Variants in CCNF observed in about 807,000 individuals in gnomAD.
CCNF encodes the protein cyclin F, also known as cyclin-F.
CCNF carries 30 observed loss-of-function variants against 85.4 expected under a neutral mutation model. The observed-to-expected ratio is 0.35, with a 90% CI of 0.26 to 0.48. The LOEUF (loss-of-function observed/expected upper bound fraction) is 0.48. Among genes scored for constraint, CCNF ranks in the 20% least tolerant of loss-of-function variants. The pLI, the probability that CCNF is intolerant of heterozygous loss-of-function variation, is 0.99. For synonymous variants in CCNF, 439 were observed against 425.1 expected (o/e 1.03, Z -0.40); for missense variants, 919 against 1,010.4 (o/e 0.91, Z 1.23).
rs140770913 is a variant in CCNF at position 2,446,923 on chromosome 16, C to A, written c.1094+1301C>A. Among the ~76,000 whole-genome samples, 6 of 152,172 alleles carry A rather than the reference C, an allele frequency of 3.9e-5. No homozygotes were observed. The East Asian group carries it at 1.2e-3, about 29-fold the overall frequency. ...AACTGGGAGGTGTAGTCTCTTCGGGCCTGTGTGTGCCAGCTCGATGCAGTG... is the reference window on the plus strand; with the variant it reads ...AACTGGGAGGTGTAGTCTCTTCGGGACTGTGTGTGCCAGCTCGATGCAGTG... On this transcript the variant is annotated intron_variant, in intron 10 of 16. Coordinates refer to ENST00000397066, the MANE Select transcript of CCNF (RefSeq NM_001761.3).
chr16:2,449,336 C>T lies in CCNF; in HGVS notation c.1273C>T (p.Leu425=). Residue 425 remains leucine (L), a synonymous_variant, in exon 12 of 17, where the codon CTG becomes TTG. Coordinates refer to ENST00000397066, the MANE Select transcript of CCNF (RefSeq NM_001761.3). ...CCTGCTGACGCTAGTCCCTGTGGAGCTGAGAACCCAGCACCTGTGCAGCTT... is the reference window on the plus strand; with the variant it reads ...CCTGCTGACGCTAGTCCCTGTGGAGTTGAGAACCCAGCACCTGTGCAGCTT... ...EVLLTLVPVE[L]RTQHLCSFLC... is the part of the protein sequence containing the mutation. The T allele has an allele frequency of 1.9e-6, 3 of 1,613,872 alleles. No individual in the cohort carries two copies. Among genetic ancestry groups the T allele is most frequent in the Non-Finnish European group, 2.5e-6 (3 of 1,179,976 alleles).
At chr16:2,437,996 G>T in intron 5 of CCNF, 74 bp from the exon 6 acceptor site, 2 of 1,010,222 alleles carry the variant, frequency 2.0e-6, no homozygotes, top group South Asian at 1.3e-5. Context: ...GGGACCCAAA[G>T]ACAGACAAGG....
intron 9 of CCNF, among the ~76,000 whole-genome samples, chr16:2,444,154 C>T (rs541602960): frequency 6.2e-4 from 94 of 152,006 alleles, no homozygotes; most frequent in African/African-American, 2.0e-3. Context: ...CTCCTGACCT[C>T]GTGATCCGCC....
chr16:2,439,517 T>C, intron 7 of CCNF, 60 bp downstream of exon 7: 4 of 1,279,874 alleles, frequency 3.1e-6, no homozygotes, highest in East Asian at 2.4e-5. Flanking sequence ...TAGTTGATGC[T>C]GGTCCTTGGA....
chr16:2,432,906 TG>T, intron 2 of CCNF, 54 bp from the exon 3 acceptor site: 1 of 1,080,104 alleles, frequency 9.3e-7, no homozygotes, highest in Non-Finnish European at 1.4e-6. Flanking sequence ...CCTCCAGGTG[TG>T]GGGCTTTTGG....
At chr16:2,450,669 G>A (rs929171824) in intron 13 of CCNF, among the ~76,000 whole-genome samples, 21 of 152,200 alleles carry the variant, frequency 1.4e-4, no homozygotes, top group Admixed American at 3.3e-4. Context: ...TTGTCAAGTT[G>A]TCATCTAGCT....
chr16:2,457,737 A>C lies in CCNF; in HGVS notation c.*717A>C, dbSNP rs897011949. 6.6e-6 allele frequency: 1 copy of C among 152,164 alleles called. No individual in the cohort carries two copies. 9.4% of individuals were successfully genotyped at this position (152,164 alleles called of 1,614,324 possible). ...CCATTCTTTTCCTGTCTTATTTCTAAATTTCCTTCTTCCAAGATGAAAACA... is the reference window on the plus strand; with the variant it reads ...CCATTCTTTTCCTGTCTTATTTCTACATTTCCTTCTTCCAAGATGAAAACA... On this transcript the variant is annotated 3_prime_UTR_variant, in exon 17 of 17. Coordinates refer to ENST00000397066, the MANE Select transcript of CCNF (RefSeq NM_001761.3).
Position 2,455,523 on chromosome 16 carries a change from A to G in CCNF, c.1844A>G (p.Tyr615Cys). Residue 615 changes from tyrosine (Y) to cysteine (C), a missense_variant, in exon 16 of 17, where the codon TAT becomes TGT. This residue lies in a region of CCNF where 505 missense variants were observed against 514.8 expected (regional missense o/e 0.98). Coordinates refer to ENST00000397066, the MANE Select transcript of CCNF (RefSeq NM_001761.3). ...TGGAGCCTGGACTGCTGCTCTGGCT[A>G]TGAAGGCGACCAGGAGAGTGAGGGC... ...LDWSLDCCSG[Y>C]EGDQESEGEK... is the part of the protein sequence containing the mutation. The G allele has an allele frequency of 1.2e-6, 2 of 1,605,178 alleles. No individual in the cohort carries two copies. Among genetic ancestry groups the G allele is most frequent in the South Asian group, 1.1e-5 (1 of 90,738 alleles).
Position 2,443,171 on chromosome 16 carries a change from TATATATA to T in CCNF, c.778-463_778-457del, listed in dbSNP as rs1241490587. 7.1e-4 allele frequency among the ~76,000 whole-genome samples: 7 copies of T among 9,920 alleles called. No homozygotes were observed. In the South Asian group the frequency reaches 7.6e-3, roughly 11 times the overall value. 6.5% of individuals were successfully genotyped at this position (9,920 alleles called of 152,430 possible). ...TATATAATATATATTATATATAATA[TATATATA>T]ATATATAATATATATATATTTCTCT... On this transcript the variant is annotated intron_variant, in intron 8 of 16. Coordinates refer to ENST00000397066, the MANE Select transcript of CCNF (RefSeq NM_001761.3).
At chr16:2,450,326 C>G (rs2065387354) in intron 13 of CCNF, among the ~76,000 whole-genome samples, 1 of 118,212 alleles carries the variant, frequency 8.5e-6, no homozygotes, top group South Asian at 2.9e-4. Context: ...TGGCAAAACC[C>G]TGTCTCTACT....
At chr16:2,444,255 C>T (rs975244507) in intron 9 of CCNF, among the ~76,000 whole-genome samples, 6 of 150,096 alleles carry the variant, frequency 4.0e-5, no homozygotes, top group Admixed American at 6.7e-5. Flanking sequence ...CCAAAGTTAT[C>T]GTGGACTTTT....
chr16:2,447,031 G>A (rs929873635), intron 10 of CCNF, among the ~76,000 whole-genome samples: 9 of 152,172 alleles, frequency 5.9e-5, no homozygotes, highest in East Asian at 1.9e-4. Context: ...TGAATCCAGC[G>A]TCCCAGGTCT....
At chr16:2,448,389 A>G (rs2065373612) in intron 10 of CCNF, among the ~76,000 whole-genome samples, 1 of 151,128 alleles carries the variant, frequency 6.6e-6, no homozygotes, top group Admixed American at 6.6e-5. Context: ...GCACTTTCTG[A>G]CCTCCCCTTT....
intron 10 of CCNF, among the ~76,000 whole-genome samples, chr16:2,447,528 G>A (rs1461429861): frequency 6.6e-6 from 1 of 152,020 alleles, no homozygotes; most frequent in Non-Finnish European, 1.5e-5. Flanking sequence ...AGGTTGCAGT[G>A]AGCCAAGATT....
Position 2,451,562 on chromosome 16 carries a change from G to C in CCNF, c.1487+1647G>C, listed in dbSNP as rs1329480361. ...CAAATCCAGCAGACTCAGCGGTGTG[G>C]GCTTTTTTTTCCTTTTTTGAGTTGG... is the stretch of plus-strand genomic sequence containing the variant. On this transcript the variant is annotated intron_variant, in intron 13 of 16. Coordinates refer to ENST00000397066, the MANE Select transcript of CCNF (RefSeq NM_001761.3). This position sits in a 1 kb window ranked among gnomAD's most constrained non-coding sequence, Gnocchi z 4.3. Among the ~76,000 whole-genome samples, 2 of 152,140 alleles carry C rather than the reference G, an allele frequency of 1.3e-5. No individual in the cohort carries two copies. Among genetic ancestry groups the C allele is most frequent in the African/African-American group, 4.8e-5 (2 of 41,418 alleles).
chr16:2,434,262 C>T (rs1475003332), intron 3 of CCNF, among the ~76,000 whole-genome samples: 7 of 152,142 alleles, frequency 4.6e-5, no homozygotes, highest in South Asian at 2.1e-4. Flanking sequence ...GCCAAGATTG[C>T]GCCATTGCAC....
intron 2 of CCNF, among the ~76,000 whole-genome samples, chr16:2,432,514 G>T (rs562678472): frequency 1.9e-4 from 29 of 152,262 alleles, no homozygotes; most frequent in Admixed American, 8.5e-4. Flanking sequence ...TAGGCTCCGG[G>T]TTCTACCTGA....
In CCNF at chr16:2,457,256, T is replaced by C; in HGVS notation, c.*236T>C. 1 of 476,476 alleles carries C rather than the reference T, an allele frequency of 2.1e-6. No individual in the cohort carries two copies. The highest frequency in any genetic ancestry group is 3.7e-6 in the Non-Finnish European group (1 of 268,062). 29.5% of individuals were successfully genotyped at this position (476,476 alleles called of 1,614,324 possible). ...TTTGGAAAGTTTAGCCTGGAAGCAG[T>C]TGGCCACACTGTGTGGAGGGCACCT... On this transcript the variant is annotated 3_prime_UTR_variant, in exon 17 of 17. Transcript: ENST00000397066.
At chr16:2,438,415 T>C (rs973921504) in intron 6 of CCNF, among the ~76,000 whole-genome samples, 10 of 152,160 alleles carry the variant, frequency 6.6e-5, no homozygotes, top group African/African-American at 1.2e-4. Context: ...CTGCTCCTCG[T>C]GGGCCTCTCC....
Sources: allele counts gnomAD v4.1 joint callset (sites outside exome capture counted in the v4.1 genomes callset), GRCh38; gene constraint gnomAD v4.1.1; regional missense constraint gnomAD v4.1.1; non-coding constraint Gnocchi (gnomAD v3.1); transcripts MANE v1.5; gene names NCBI Gene and HGNC (gene_info 2026-07-23, HGNC 2026-07-21).